Variants in SNAI2 observed in about 807,000 individuals in gnomAD.
The protein encoded by SNAI2 is zinc finger protein SNAI2.
SNAI2 carries 2 observed loss-of-function variants against 22.4 expected under a neutral mutation model. The ratio of observed to expected loss-of-function variants is 0.09; its 90% CI spans 0.04 to 0.28. The LOEUF is 0.28. Ranked by LOEUF, SNAI2 falls within the 10% of genes least tolerant of loss-of-function variation. The pLI is 1.00. For missense variants in SNAI2, 239 were observed against 320.8 expected (o/e 0.75, Z 1.95); for synonymous variants, 134 against 123.0 (o/e 1.09, Z -0.59).
rs1806107772 is a variant in SNAI2, at chr8:48,918,270, T to C, written c.*537A>G. ...TTTTCCTCCCTTTTAAAAATATACT[T>C]TAAAGCACTACAGGTAATCAAAAAA... On this transcript the variant is annotated 3_prime_UTR_variant, in exon 3 of 3. Coordinates refer to ENST00000020945, the MANE Select transcript of SNAI2 (RefSeq NM_003068.5). 2 of 154,178 alleles carry C rather than the reference T, an allele frequency of 1.3e-5. No homozygotes were observed. The highest frequency in any genetic ancestry group is 6.7e-3 in the Middle Eastern group (2 of 298). 9.6% of individuals were successfully genotyped at this position (154,178 alleles called of 1,614,324 possible). A position where few individuals can be genotyped will look rare whatever the true frequency, so the allele number is the denominator to read the frequency against.
intron 2 of SNAI2, among the ~76,000 whole-genome samples, 180 bp from the exon 3 acceptor site, chr8:48,919,168 G>C (rs567831296): frequency 6.6e-6 from 1 of 152,268 alleles, no homozygotes; most frequent in Admixed American, 6.5e-5. Flanking sequence ...AGATAAACTT[G>C]AATATTGCAT....
In SNAI2 at chr8:48,918,463, C is replaced by T. The variant is rs1449742987; in HGVS notation, c.*344G>A. 9.8e-6 allele frequency: 3 copies of T among 305,078 alleles called. No individual in the cohort carries two copies. In the East Asian group the frequency reaches 2.4e-4, roughly 25 times the overall value. The allele number at this position is 305,078 out of a possible 1,614,324, so 18.9% of individuals were successfully genotyped here. A position where few individuals can be genotyped will look rare whatever the true frequency, so the allele number is the denominator to read the frequency against. On this transcript the variant is annotated 3_prime_UTR_variant, in exon 3 of 3. Transcript: ENST00000020945. ...GTTCTTTTCAGTTGAAATGATTTGGCAGCAATGTAAATCTTTGCATTTTTT... is the reference window on the plus strand; with the variant it reads ...GTTCTTTTCAGTTGAAATGATTTGGTAGCAATGTAAATCTTTGCATTTTTT...
chr8:48,917,710 G>A lies in SNAI2; in HGVS notation c.*1097C>T, dbSNP rs1806099446. On this transcript the variant is annotated 3_prime_UTR_variant, in exon 3 of 3. Transcript: ENST00000020945. ...TTGTTAACAAACAATTCTTTGTACA[G>A]TGGTTTGGTACTAATCATGAAGCAA... 1 of 151,966 alleles carries A rather than the reference G, an allele frequency of 6.6e-6. No individual in the cohort carries two copies. The highest frequency in any genetic ancestry group is 2.1e-4 in the South Asian group (1 of 4,816). 9.4% of individuals were successfully genotyped at this position (151,966 alleles called of 1,614,324 possible).
Position 48,919,984 on chromosome 8 carries a change from C to T in SNAI2, c.537G>A (p.Arg179=). 1 of 1,614,162 alleles carries T rather than the reference C, an allele frequency of 6.2e-7. No individual in the cohort carries two copies. Among genetic ancestry groups the T allele is most frequent in the Non-Finnish European group, 8.5e-7 (1 of 1,180,042 alleles). The part of the protein sequence containing the change: ...VSLGALKMHI[R]THTLPCVCKI... ...TGCAAACACAAGGTAATGTGTGGGTCCGAATATGCATCTTCAGGGCGCCCA... is the reference window on the plus strand; with the variant it reads ...TGCAAACACAAGGTAATGTGTGGGTTCGAATATGCATCTTCAGGGCGCCCA... Residue 179 remains arginine (R), a synonymous_variant, in exon 2 of 3, where the codon CGG becomes CGA. Transcript: ENST00000020945.
intron 1 of SNAI2, 68 bp from the exon 2 acceptor site, chr8:48,920,509 A>G: frequency 1.5e-6 from 2 of 1,336,846 alleles, no homozygotes; most frequent in Non-Finnish European, 1.1e-6. Flanking sequence ...ACACGCAAGT[A>G]TACACACACT....
chr8:48,918,439 T>C lies in SNAI2; in HGVS notation c.*368A>G. 1 of 291,542 alleles carries C rather than the reference T, an allele frequency of 3.4e-6. No individual in the cohort carries two copies. Among genetic ancestry groups the C allele is most frequent in the Non-Finnish European group, 6.6e-6 (1 of 151,460 alleles). The allele number at this position is 291,542 out of a possible 1,614,324, so 18.1% of individuals were successfully genotyped here. A position where few individuals can be genotyped will look rare whatever the true frequency, so the allele number is the denominator to read the frequency against. ...CAGACTCTATTACAAAGCAATACTG[T>C]TCTTTTCAGTTGAAATGATTTGGCA... is the stretch of plus-strand genomic sequence containing the variant. On this transcript the variant is annotated 3_prime_UTR_variant, in exon 3 of 3. Coordinates refer to ENST00000020945, the MANE Select transcript of SNAI2 (RefSeq NM_003068.5).
rs768296234 is a variant in SNAI2, at chr8:48,918,580, A to C, written c.*227T>G. 3.7e-6 allele frequency: 2 copies of C among 537,738 alleles called. No individual in the cohort carries two copies. The highest frequency in any genetic ancestry group is 6.6e-6 in the Non-Finnish European group (2 of 301,596). The allele number at this position is 537,738 out of a possible 1,614,324, so 33.3% of individuals were successfully genotyped here. On this transcript the variant is annotated 3_prime_UTR_variant, in exon 3 of 3. Transcript: ENST00000020945. ...TCTCAATCTAGCCATCAGCAAATAT[A>C]TAGTAATTTTAAACTTCACATGGAA...
Position 48,920,365 on chromosome 8 carries a change from T to C in SNAI2, c.156A>G (p.Ala52=), listed in dbSNP as rs1376358647. The C allele has an allele frequency of 6.2e-7, 1 of 1,613,986 alleles. No homozygotes were observed. Among genetic ancestry groups the C allele is most frequent in the Non-Finnish European group, 8.5e-7 (1 of 1,179,902 alleles). ...TAGTCCACACAGTGATGGGGCTGTATGCTCCTGAGCTGAGGATCTCTGGTT... is the reference window on the plus strand; with the variant it reads ...TAGTCCACACAGTGATGGGGCTGTACGCTCCTGAGCTGAGGATCTCTGGTT... ...IPQPEILSSG[A]YSPITVWTTA... Residue 52 remains alanine (A), a synonymous_variant, in exon 2 of 3, where the codon GCA becomes GCG. Coordinates refer to ENST00000020945, the MANE Select transcript of SNAI2 (RefSeq NM_003068.5).
chr8:48,919,082 G>A (rs1806121522), intron 2 of SNAI2, 94 bp from the exon 3 acceptor site: 4 of 1,282,714 alleles, frequency 3.1e-6, no homozygotes, highest in Non-Finnish European at 4.4e-6. Context: ...ATCACATTTT[G>A]CTTAAATAAT....
rs921181705 is a variant in SNAI2, at chr8:48,921,379, G to T, written c.-114C>A. ...TCGGGCAGGGGCCGTGCTCAGGTGC[G>T]GCAGACGGACGGGCCGGCGCCTCTG... is the stretch of plus-strand genomic sequence containing the variant. On this transcript the variant is annotated 5_prime_UTR_variant, in exon 1 of 3. Coordinates refer to ENST00000020945, the MANE Select transcript of SNAI2 (RefSeq NM_003068.5). 4 of 821,012 alleles carry T rather than the reference G, an allele frequency of 4.9e-6. No homozygotes were observed. Among genetic ancestry groups the T allele is most frequent in the Middle Eastern group, 3.2e-4 (1 of 3,174 alleles). 50.9% of individuals were successfully genotyped at this position (821,012 alleles called of 1,614,324 possible).
intron 2 of SNAI2, 100 bp from the exon 3 acceptor site, chr8:48,919,088 A>G (rs1806121608): frequency 8.4e-7 from 1 of 1,188,856 alleles, no homozygotes; most frequent in Non-Finnish European, 1.2e-6. Context: ...TTTTGCTTAA[A>G]TAATGAGAAG....
rs557219777 is a variant in SNAI2 at position 48,919,145 on chromosome 8, A to G, written c.626-157T>C. Among the ~76,000 whole-genome samples the G allele has an allele frequency of 3.9e-4, 60 of 152,376 alleles. 1 individual carries two copies. In the South Asian group the frequency reaches 0.012, roughly 30 times the overall value. On this transcript the variant is annotated intron_variant, in intron 2 of 2. Coordinates refer to ENST00000020945, the MANE Select transcript of SNAI2 (RefSeq NM_003068.5). ...CCTCATAATAGACACTTTTAAAAATACCTGAATTTTTAAGATAAACTTGAA... is the reference window on the plus strand; with the variant it reads ...CCTCATAATAGACACTTTTAAAAATGCCTGAATTTTTAAGATAAACTTGAA...
intron 2 of SNAI2, among the ~76,000 whole-genome samples, chr8:48,919,480 G>C (rs1426732823): frequency 6.6e-6 from 1 of 152,192 alleles, no homozygotes; most frequent in African/African-American, 2.4e-5. Flanking sequence ...AGTCACCCAC[G>C]GGTGACAAAT....
At chr8:48,920,547 A>G in intron 1 of SNAI2, 106 bp from the exon 2 acceptor site, 1 of 1,056,152 alleles carries the variant, frequency 9.5e-7, no homozygotes, top group Non-Finnish European at 1.4e-6. Flanking sequence ...CACACACGTG[A>G]TTTTCTTAGG....
At chr8:48,921,147 CTCTAGATACGTAGT>C (rs751461389) in intron 1 of SNAI2, 26 bp downstream of exon 1, 8 of 1,347,710 alleles carry the variant, frequency 5.9e-6, no homozygotes, top group Admixed American at 1.7e-5. Flanking sequence ...ATTTGCAAAG[CTCTAGATACGTAGT>C]TCTAGATATA....
rs1298438927 is a variant in SNAI2 at position 48,917,740 on chromosome 8, A to G, written c.*1067T>C. 6.6e-6 allele frequency: 1 copy of G among 152,202 alleles called. No homozygotes were observed. Among genetic ancestry groups the G allele is most frequent in the Non-Finnish European group, 1.5e-5 (1 of 68,018 alleles). 9.4% of individuals were successfully genotyped at this position (152,202 alleles called of 1,614,324 possible). A position where few individuals can be genotyped will look rare whatever the true frequency, so the allele number is the denominator to read the frequency against. The stretch of plus-strand genomic sequence containing the variant: ...TTGGTACTAATCATGAAGCAAGTAA[A>G]GTCTCTGAAAATAGTATACAAACGA... On this transcript the variant is annotated 3_prime_UTR_variant, in exon 3 of 3. Coordinates refer to ENST00000020945, the MANE Select transcript of SNAI2 (RefSeq NM_003068.5).
chr8:48,918,844 TGCAGGAGAG>T lies in SNAI2; in HGVS notation c.761_769del (p.Ser254_His257delinsTyr). 1 of 1,614,224 alleles carries T rather than the reference TGCAGGAGAG, an allele frequency of 6.2e-7. No homozygotes were observed. Among genetic ancestry groups the T allele is most frequent in the Non-Finnish European group, 8.5e-7 (1 of 1,180,036 alleles). ...ACAGCAGCCAGATTCCTCATGTTTG[TGCAGGAGAG>T]ACATTCTGGAGAAGGTTTTGGAGCA... On this transcript the variant is annotated inframe_deletion, in exon 3 of 3. Transcript: ENST00000020945.
chr8:48,919,180 T>A (rs535208910), intron 2 of SNAI2, among the ~76,000 whole-genome samples, 192 bp from the exon 3 acceptor site: 14 of 152,332 alleles, frequency 9.2e-5, no homozygotes, highest in African/African-American at 3.1e-4. Flanking sequence ...ATATTGCATT[T>A]AAAAATCATA....
chr8:48,920,322 C>T lies in SNAI2; in HGVS notation c.199G>A (p.Ala67Thr), dbSNP rs367909953. 4 of 1,611,076 alleles carry T rather than the reference C, an allele frequency of 2.5e-6. No individual in the cohort carries two copies. The African/African-American group carries it at 4.0e-5, about 16-fold the overall frequency. ...GGAGAGAGGCCATTGGGTAGCTGGG[C>T]GTGGAATGGAGCAGCGGTAGTCCAC... Reference protein sequence around the residue: ...TVWTTAAPFHAQLPNGLSPLS... With the variant: ...TVWTTAAPFHTQLPNGLSPLS... Residue 67 changes from alanine to threonine, a missense_variant, in exon 2 of 3, where the codon GCC (alanine) becomes ACC (threonine). Ala to Thr is a moderately conservative substitution (Grantham distance 58). Around this residue, in one of 3 missense-constraint regions of SNAI2, gnomAD observed 183 missense variants for 190.4 expected, o/e 0.96. Coordinates refer to ENST00000020945, the MANE Select transcript of SNAI2 (RefSeq NM_003068.5).
Sources: gnomAD v4.1 joint callset for allele counts (sites outside exome capture counted in the v4.1 genomes callset) on GRCh38, gnomAD v4.1.1 for gene constraint, gnomAD v4.1.1 regional missense constraint, MANE v1.5 for transcripts, NCBI Gene and HGNC (gene_info 2026-07-23, HGNC 2026-07-21) for gene names.